UGGT2: variants seen among roughly 807,000 people sequenced by gnomAD.
UGGT2 encodes UDP-glucose:glycoprotein glucosyltransferase 2.
Under a neutral mutation model 192.1 loss-of-function variants are expected in UGGT2, and 180 were observed. The ratio of observed to expected loss-of-function variants is 0.94; its 90% CI spans 0.83 to 1.06. The LOEUF is 1.06. UGGT2 is among the 50% of genes least tolerant of loss of function. UGGT2 has a pLI of 0.00. For synonymous variants in UGGT2, 580 were observed against 591.0 expected, an observed-to-expected ratio of 0.98 and a Z score of 0.27; for missense variants, 1,849 against 1,795.7, an observed-to-expected ratio of 1.03 and a Z score of -0.54.
At position 95,986,550 on chromosome 13, in the gene UGGT2, T is replaced by C. The variant is rs191564552; in HGVS notation, c.932-118A>G. 5.4e-5 allele frequency: 34 copies of C among 635,022 alleles called. No individual in the cohort carries two copies. The East Asian group carries it at 1.1e-3, about 20-fold the overall frequency. 39.3% of individuals were successfully genotyped at this position (635,022 alleles called of 1,614,324 possible). A position where few individuals can be genotyped will look rare whatever the true frequency, so the allele number is the denominator to read the frequency against. Reference sequence around the variant, plus strand: ...GCCAAGTATTAGTATACAAACATGTTAATACTGTTACATCTGCATTTTTAA... The same window carrying C: ...GCCAAGTATTAGTATACAAACATGTCAATACTGTTACATCTGCATTTTTAA... On this transcript the variant is annotated intron_variant, in intron 8 of 38. Transcript: ENST00000376747.
intron 2 of UGGT2, among the ~76,000 whole-genome samples, chr13:96,029,068 G>T (rs1157410491): frequency 1.3e-5 from 2 of 152,006 alleles, no homozygotes; most frequent in East Asian, 1.9e-4. Context: ...GGAGAATGGT[G>T]TGAACCCAGG....
chr13:95,948,319 G>A (rs1342640813), intron 13 of UGGT2, among the ~76,000 whole-genome samples: 3 of 151,220 alleles, frequency 2.0e-5, no homozygotes, highest in Non-Finnish European at 4.4e-5. Flanking sequence ...ATTATACATG[G>A]AATTTAACAT....
rs1259689960 is a variant in UGGT2 at position 95,854,886 on chromosome 13, A to G, written c.4009-411T>C. Reference sequence around the variant, plus strand: ...TATTGGCAAATGTTAAGTTTGAATCATAAAGAAAAATCTCCCAATTATTCT... The same window carrying G: ...TATTGGCAAATGTTAAGTTTGAATCGTAAAGAAAAATCTCCCAATTATTCT... On this transcript the variant is annotated intron_variant, in intron 34 of 38. Coordinates refer to ENST00000376747, the MANE Select transcript of UGGT2 (RefSeq NM_020121.4). Among the ~76,000 whole-genome samples the G allele has an allele frequency of 5.9e-5, 9 of 152,236 alleles. No homozygotes were observed. In the East Asian group the frequency reaches 1.7e-3, roughly 29 times the overall value.
intron 12 of UGGT2, among the ~76,000 whole-genome samples, chr13:95,963,763 A>C (rs1184519554): frequency 6.6e-6 from 1 of 152,192 alleles, no homozygotes; most frequent in East Asian, 1.9e-4. Flanking sequence ...AAAAGAAATC[A>C]AAAGGGTAAT....
chr13:95,960,121 T>C (rs2050341458), intron 12 of UGGT2, among the ~76,000 whole-genome samples: 2 of 152,096 alleles, frequency 1.3e-5, no homozygotes, highest in African/African-American at 4.8e-5. Flanking sequence ...CCCCTAACAA[T>C]GGAAATTTTT....
chr13:95,976,855 T>A (rs1000170345), intron 10 of UGGT2, among the ~76,000 whole-genome samples: 7 of 152,022 alleles, frequency 4.6e-5, no homozygotes, highest in Non-Finnish European at 7.4e-5. Context: ...AACAGATACA[T>A]AGATCAAAGG....
chr13:96,006,750 C>G (rs2051994050), intron 5 of UGGT2, among the ~76,000 whole-genome samples: 4 of 149,558 alleles, frequency 2.7e-5, no homozygotes. Context: ...AAGCAAACAA[C>G]AGCAAGAAAC....
intron 20 of UGGT2, among the ~76,000 whole-genome samples, chr13:95,912,782 C>G (rs2048545925): frequency 6.6e-6 from 1 of 152,142 alleles, no homozygotes; most frequent in Admixed American, 6.5e-5. Flanking sequence ...ATTGCCAAGA[C>G]AATCCTAAGC....
At chr13:95,855,513 T>TC (rs201155245) in intron 34 of UGGT2, among the ~76,000 whole-genome samples, 2 of 150,204 alleles carry the variant, frequency 1.3e-5, no homozygotes, top group Non-Finnish European at 3.0e-5. Flanking sequence ...TTTTTTTTTT[T>TC]GGCCAAATTT....
Position 95,990,013 on chromosome 13 carries a change from A to C in UGGT2, c.891T>G (p.Ser297Arg), listed in dbSNP as rs1339827654. 6.2e-7 allele frequency: 1 copy of C among 1,607,238 alleles called. No individual in the cohort carries two copies. Among genetic ancestry groups the C allele is most frequent in the South Asian group, 1.1e-5 (1 of 90,136 alleles). Residue 297 changes from serine (S) to arginine (R), a missense_variant, in exon 8 of 39, where the codon AGT becomes AGG. Ser to Arg is a moderately radical substitution (Grantham distance 110). Coordinates refer to ENST00000376747, the MANE Select transcript of UGGT2 (RefSeq NM_020121.4). ...LTAFQKYLIE[S>R]NKQMMPLKVW... Reference sequence around the variant, plus strand: ...CTTTCAAAGGCATCATTTGTTTGTTACTCTCAATCAGGTATTTTTGGAATG... The same window carrying C: ...CTTTCAAAGGCATCATTTGTTTGTTCCTCTCAATCAGGTATTTTTGGAATG...
chr13:95,887,334 C>A, intron 26 of UGGT2: 1 of 511,930 alleles, frequency 2.0e-6, no homozygotes, highest in Non-Finnish European at 3.9e-6. Context: ...AAGAATGGCT[C>A]ATAATGAATG....
chr13:95,969,872 G>A (rs1462027638), intron 12 of UGGT2, among the ~76,000 whole-genome samples: 1 of 152,188 alleles, frequency 6.6e-6, no homozygotes, highest in Non-Finnish European at 1.5e-5. Flanking sequence ...TGTTATCTCT[G>A]AAGGTGGAAA....
chr13:96,010,787 G>A (rs2052137549), intron 5 of UGGT2, among the ~76,000 whole-genome samples: 1 of 152,122 alleles, frequency 6.6e-6, no homozygotes, highest in African/African-American at 2.4e-5. Context: ...AAGTTCACAA[G>A]AAGAGACAAA....
chr13:96,032,503 T>C (rs1566844567), intron 1 of UGGT2, among the ~76,000 whole-genome samples: 1 of 152,172 alleles, frequency 6.6e-6, no homozygotes, highest in Admixed American at 6.5e-5. Context: ...TACTGCACTA[T>C]GTCTTTGGCC....
chr13:95,983,564 C>T, intron 10 of UGGT2: 1 of 586,034 alleles, frequency 1.7e-6, no homozygotes, highest in Non-Finnish European at 3.3e-6. Flanking sequence ...ATGAAGAAAA[C>T]CATACTACCT....
At chr13:95,935,535 G>T (rs2140502166) in intron 17 of UGGT2, among the ~76,000 whole-genome samples, 1 of 152,250 alleles carries the variant, frequency 6.6e-6, no homozygotes, top group South Asian at 2.1e-4. Context: ...TATGTGATCT[G>T]CCTTTTTTCT....
chr13:95,850,188 T>C (rs1042142835), intron 36 of UGGT2, among the ~76,000 whole-genome samples: 1 of 152,240 alleles, frequency 6.6e-6, no homozygotes. Flanking sequence ...CTTATGAATA[T>C]ATTCCAACCA....
At position 95,996,119 on chromosome 13, in the gene UGGT2, A is replaced by G. The variant is rs1312894422; in HGVS notation, c.774T>C (p.Thr258=). The part of the protein sequence containing the change: ...DTQVKTVTNT[T]VEDETETNEV... ...CATTTGTTTCAGTCTCATCCTCTAC[A>G]GTAGTATTAGTCACAGCTACATTTT... Residue 258 remains threonine (T), a synonymous_variant, in exon 7 of 39, where the codon ACT becomes ACC. Transcript: ENST00000376747. 2 of 1,612,642 alleles carry G rather than the reference A, an allele frequency of 1.2e-6. No individual in the cohort carries two copies. Among genetic ancestry groups the G allele is most frequent in the African/African-American group, 2.7e-5 (2 of 74,856 alleles).
intron 10 of UGGT2, among the ~76,000 whole-genome samples, chr13:95,975,654 T>G (rs1299174367): frequency 6.6e-6 from 1 of 152,278 alleles, no homozygotes; most frequent in East Asian, 1.9e-4. Context: ...GTCTCTTTAA[T>G]AACCAATGGA....
Sources: gnomAD v4.1 joint callset for allele counts (sites outside exome capture counted in the v4.1 genomes callset) on GRCh38, gnomAD v4.1.1 for gene constraint, MANE v1.5 for transcripts, NCBI Gene and HGNC (gene_info 2026-07-23, HGNC 2026-07-21) for gene names.